The following IMMP2L variants were observed in gnomAD, a reference collection of about 807,000 sequenced individuals.
IMMP2L encodes mitochondrial inner membrane protease subunit 2.
IMMP2L carries 18 observed loss-of-function variants against 19.3 expected under a neutral mutation model. The ratio of observed to expected loss-of-function variants is 0.93; its 90% CI spans 0.64 to 1.38. IMMP2L has a LOEUF of 1.38. IMMP2L is among the 40% of genes most tolerant of loss of function. The pLI, the probability that IMMP2L is intolerant of heterozygous loss-of-function variation, is 0.00. For synonymous variants in IMMP2L, 76 were observed against 73.0 expected, an observed-to-expected ratio of 1.04 and a Z score of -0.21; for missense variants, 233 against 218.2, an observed-to-expected ratio of 1.07 and a Z score of -0.43.
At chr7:110,844,733 A>G (rs2131478901) in intron 5 of IMMP2L, among the ~76,000 whole-genome samples, 1 of 68,594 alleles carries the variant, frequency 1.5e-5, no homozygotes, top group East Asian at 1.1e-3. Flanking sequence ...GAGATGGTGA[A>G]GCTACAACCT....
At chr7:110,944,344 G>T (rs1817018890) in intron 4 of IMMP2L, among the ~76,000 whole-genome samples, 1 of 152,034 alleles carries the variant, frequency 6.6e-6, no homozygotes, top group Non-Finnish European at 1.5e-5. Context: ...TTCTTAGATG[G>T]ATGGGGATGG....
chr7:110,703,955 T>C (rs199645048), intron 5 of IMMP2L, among the ~76,000 whole-genome samples: 1 of 151,946 alleles, frequency 6.6e-6, no homozygotes, highest in Non-Finnish European at 1.5e-5. Flanking sequence ...ATGCCATTCT[T>C]CTGCCTCAGC....
chr7:111,480,597 CAAAA>C (rs925037556), intron 3 of IMMP2L, among the ~76,000 whole-genome samples: 1 of 55,056 alleles, frequency 1.8e-5, no homozygotes, highest in African/African-American at 5.0e-5. Flanking sequence ...ATTTTACTGT[CAAAA>C]AAAAAAAAAA....
chr7:110,703,991 G>A (rs1406783982), intron 5 of IMMP2L, among the ~76,000 whole-genome samples: 1 of 151,900 alleles, frequency 6.6e-6, no homozygotes, highest in East Asian at 1.9e-4. Context: ...GACTACAGGA[G>A]CCTGCCACCA....
chr7:111,162,782 T>G (rs1355139962), intron 3 of IMMP2L, among the ~76,000 whole-genome samples: 2 of 152,008 alleles, frequency 1.3e-5, no homozygotes, highest in Non-Finnish European at 2.9e-5. Flanking sequence ...GCCTCAAACT[T>G]GGTGGATAAA....
chr7:111,506,169 G>A (rs1334702682), intron 2 of IMMP2L, among the ~76,000 whole-genome samples: 1 of 149,696 alleles, frequency 6.7e-6, no homozygotes, highest in African/African-American at 2.5e-5. Flanking sequence ...CTCCAGCCTG[G>A]GCAACAGAGC....
At chr7:111,215,103 A>T (rs918102913) in intron 3 of IMMP2L, among the ~76,000 whole-genome samples, 7 of 152,152 alleles carry the variant, frequency 4.6e-5, no homozygotes, top group African/African-American at 1.7e-4. Flanking sequence ...CACTCCTTAT[A>T]TTTACCATTG....
At chr7:111,467,034 G>A (rs564962823) in intron 3 of IMMP2L, among the ~76,000 whole-genome samples, 1 of 152,274 alleles carries the variant, frequency 6.6e-6, no homozygotes, top group Non-Finnish European at 1.5e-5. Context: ...TATGAGCTAA[G>A]AGTAGTAGCA....
intron 4 of IMMP2L, among the ~76,000 whole-genome samples, chr7:110,960,595 T>C (rs1490316771): frequency 1.3e-5 from 2 of 151,930 alleles, no homozygotes; most frequent in East Asian, 1.9e-4. Flanking sequence ...TTGTGATATA[T>C]ATCAAATGGC....
At chr7:110,878,775 G>T (rs1004228539) in intron 5 of IMMP2L, among the ~76,000 whole-genome samples, 1 of 151,968 alleles carries the variant, frequency 6.6e-6, no homozygotes, top group Non-Finnish European at 1.5e-5. Flanking sequence ...GTAATTTAAC[G>T]CTTATGTATA....
intron 3 of IMMP2L, among the ~76,000 whole-genome samples, chr7:111,259,120 G>A (rs958854663): frequency 6.6e-6 from 1 of 152,068 alleles, no homozygotes; most frequent in Non-Finnish European, 1.5e-5. Context: ...TCTAAACATA[G>A]AAAAGGTAAA....
intron 3 of IMMP2L, among the ~76,000 whole-genome samples, chr7:111,000,964 C>A (rs1022312159): frequency 2.0e-5 from 3 of 152,140 alleles, no homozygotes; most frequent in African/African-American, 7.2e-5. Context: ...AATAAAAGAG[C>A]TAGAAAAGCC....
chr7:111,229,601 T>C (rs1027006017), intron 3 of IMMP2L, among the ~76,000 whole-genome samples: 4 of 152,042 alleles, frequency 2.6e-5, no homozygotes, highest in African/African-American at 9.7e-5. Flanking sequence ...TAAGTGATTG[T>C]GTGGTTTAAG....
intron 5 of IMMP2L, among the ~76,000 whole-genome samples, chr7:110,731,616 A>T (rs1274327064): frequency 6.6e-6 from 1 of 152,158 alleles, no homozygotes; most frequent in Non-Finnish European, 1.5e-5. Context: ...CTGTTTTTGT[A>T]GCTTTTCTTC....
At chr7:111,341,464 T>A (rs1029745696) in intron 3 of IMMP2L, among the ~76,000 whole-genome samples, 1 of 152,106 alleles carries the variant, frequency 6.6e-6, no homozygotes, top group African/African-American at 2.4e-5. Context: ...CGTGTATATA[T>A]ACACCAAATG....
At chr7:111,216,587 T>C (rs1586874304) in intron 3 of IMMP2L, among the ~76,000 whole-genome samples, 1 of 152,248 alleles carries the variant, frequency 6.6e-6, no homozygotes, top group East Asian at 1.9e-4. Flanking sequence ...TACAGTACTC[T>C]ATTATTAATT....
At chr7:111,224,293 T>C (rs1054852097) in intron 3 of IMMP2L, among the ~76,000 whole-genome samples, 5 of 152,272 alleles carry the variant, frequency 3.3e-5, no homozygotes, top group African/African-American at 4.8e-5. Context: ...AAAATGAATA[T>C]ACTAAAATTC....
chr7:110,962,765 A>G, intron 4 of IMMP2L: 1 of 1,115,916 alleles, frequency 9.0e-7, no homozygotes, highest in Non-Finnish European at 1.1e-6. Context: ...TATCATTAAT[A>G]CAAATACTTT....
At chr7:111,527,428 G>GT (rs914450446) in intron 1 of IMMP2L, among the ~76,000 whole-genome samples, 1 of 146,008 alleles carries the variant, frequency 6.8e-6, no homozygotes, top group Non-Finnish European at 1.5e-5. Flanking sequence ...AAAAAGGGGG[G>GT]GGGGGTAGAT....
Sources: allele counts gnomAD v4.1 joint callset (sites outside exome capture counted in the v4.1 genomes callset), GRCh38; gene constraint gnomAD v4.1.1; transcripts MANE v1.5; gene names NCBI Gene and HGNC (gene_info 2026-07-23, HGNC 2026-07-21).